Variants in ADGRB3 observed in about 807,000 individuals in gnomAD.
The protein encoded by ADGRB3 is brain-specific angiogenesis inhibitor 3.
In ADGRB3, 37 loss-of-function variants were observed where a neutral mutation model predicts 193.4. The observed-to-expected ratio is 0.19, with a 90% CI of 0.15 to 0.25. ADGRB3 has a LOEUF of 0.25. Among genes scored for constraint, ADGRB3 ranks in the 10% least tolerant of loss-of-function variants. ADGRB3 has a pLI of 1.00. For missense variants in ADGRB3, 1,637 were observed against 1,852.9 expected (o/e 0.88, Z 2.14); for synonymous variants, 690 against 644.2 (o/e 1.07, Z -1.08).
intron 3 of ADGRB3, among the ~76,000 whole-genome samples, chr6:68,687,596 C>T (rs1561994717): frequency 6.6e-6 from 1 of 152,056 alleles, no homozygotes; most frequent in Non-Finnish European, 1.5e-5. Context: ...GTTTCTATTG[C>T]CTTACATGAA....
At chr6:69,084,468 C>A (rs1238938554) in intron 17 of ADGRB3, among the ~76,000 whole-genome samples, 1 of 152,126 alleles carries the variant, frequency 6.6e-6, no homozygotes, top group Non-Finnish European at 1.5e-5. Context: ...ATAGGTATTT[C>A]TAAATCCAAA....
chr6:69,070,615 T>G (rs1475620574), intron 16 of ADGRB3, among the ~76,000 whole-genome samples: 1 of 152,150 alleles, frequency 6.6e-6, no homozygotes, highest in Non-Finnish European at 1.5e-5. Flanking sequence ...TTCTCTAAAT[T>G]TGATGTGAAA....
At chr6:68,861,572 A>G (rs1765157582) in intron 3 of ADGRB3, among the ~76,000 whole-genome samples, 1 of 152,188 alleles carries the variant, frequency 6.6e-6, no homozygotes, top group Admixed American at 6.5e-5. Context: ...CAAAAAAAAA[A>G]TAAATAAATA....
At chr6:69,184,973 A>G (rs964706142) in intron 17 of ADGRB3, among the ~76,000 whole-genome samples, 1 of 152,144 alleles carries the variant, frequency 6.6e-6, no homozygotes, top group Non-Finnish European at 1.5e-5. Flanking sequence ...TAAATTAAGC[A>G]CAAGAGGCCA....
rs572624507 is a variant in ADGRB3 at position 69,004,377 on chromosome 6, C to G, written c.1930-9661C>G. ...CTCTACACACTTGCATCCCTGGTGTCTCTCTGTGTGTTCTAATATCCTCTT... is the reference window on the plus strand; with the variant it reads ...CTCTACACACTTGCATCCCTGGTGTGTCTCTGTGTGTTCTAATATCCTCTT... On this transcript the variant is annotated intron_variant, in intron 11 of 31. Coordinates refer to ENST00000370598, the MANE Select transcript of ADGRB3 (RefSeq NM_001704.3). Among the ~76,000 whole-genome samples, 57 of 151,804 alleles carry G rather than the reference C, an allele frequency of 3.8e-4. 2 individuals carry two copies. Among genetic ancestry groups the G allele is most frequent in the African/African-American group, 1.3e-3 (55 of 41,424 alleles).
intron 17 of ADGRB3, among the ~76,000 whole-genome samples, chr6:69,128,637 T>C (rs1424929152): frequency 6.6e-6 from 1 of 152,148 alleles, no homozygotes; most frequent in African/African-American, 2.4e-5. Flanking sequence ...TTTTTAGTAC[T>C]TTCTCAACGA....
At chr6:68,936,285 T>A (rs1336391776) in intron 4 of ADGRB3, among the ~76,000 whole-genome samples, 1 of 152,196 alleles carries the variant, frequency 6.6e-6, no homozygotes, top group Non-Finnish European at 1.5e-5. Context: ...ACAGTGTAAT[T>A]TGTGAAGAGT....
intron 8 of ADGRB3, among the ~76,000 whole-genome samples, chr6:68,973,413 TG>T (rs2150264748): frequency 6.6e-6 from 1 of 152,362 alleles, no homozygotes; most frequent in East Asian, 1.9e-4. Context: ...AGATTTAATT[TG>T]TCAACTTGTA....
At chr6:68,741,199 G>T (rs952940123) in intron 3 of ADGRB3, among the ~76,000 whole-genome samples, 10 of 152,028 alleles carry the variant, frequency 6.6e-5, no homozygotes, top group Non-Finnish European at 1.3e-4. Context: ...GTTTACATTT[G>T]TTAACACATT....
intron 28 of ADGRB3, among the ~76,000 whole-genome samples, chr6:69,358,141 T>C (rs1257727910): frequency 2.0e-5 from 3 of 151,994 alleles, no homozygotes; most frequent in Middle Eastern, 3.2e-3. Flanking sequence ...GACAGGTTTG[T>C]CTTTCCTCTA....
intron 3 of ADGRB3, among the ~76,000 whole-genome samples, chr6:68,788,735 T>A (rs952699139): frequency 2.6e-5 from 4 of 152,110 alleles, no homozygotes; most frequent in Non-Finnish European, 5.9e-5. Context: ...CTTTGATCTG[T>A]CTAACGTTGA....
chr6:69,114,359 G>GT (rs1422457121), intron 17 of ADGRB3, among the ~76,000 whole-genome samples: 1 of 152,056 alleles, frequency 6.6e-6, no homozygotes, highest in African/African-American at 2.4e-5. Flanking sequence ...GGGATTGTTT[G>GT]TTTTTTTCTT....
chr6:68,947,116 G>A (rs1932615), intron 6 of ADGRB3, among the ~76,000 whole-genome samples: 50,339 of 151,904 alleles, frequency 0.33, 9,440 homozygotes, highest in Middle Eastern at 0.53. Flanking sequence ...AATGAAGCAA[G>A]ACAGGCAAGA....
In ADGRB3 at chr6:69,031,064, CTCT is replaced by C. The variant is rs1356572009; in HGVS notation, c.2107+12569_2107+12571del. Among the ~76,000 whole-genome samples the C allele has an allele frequency of 1.8e-3, 87 of 49,358 alleles. 13 individuals carry two copies. The highest frequency in any genetic ancestry group is 5.4e-3 in the African/African-American group (78 of 14,554). The allele number at this position is 49,358 out of a possible 152,430, so 32.4% of individuals were successfully genotyped here. A position where few individuals can be genotyped will look rare whatever the true frequency, so the allele number is the denominator to read the frequency against. On this transcript the variant is annotated intron_variant, in intron 13 of 31. Transcript: ENST00000370598. ...CTCTTCTCTTCTCTTCTCTTCTCTT[CTCT>C]TCTCTTCTCTTCTCTTCTCTTCTCT...
chr6:69,035,823 T>C lies in ADGRB3; in HGVS notation c.2108-12362T>C, dbSNP rs556705700. Among the ~76,000 whole-genome samples the C allele has an allele frequency of 1.8e-3, 279 of 152,286 alleles. 1 individual carries two copies. Among genetic ancestry groups the C allele is most frequent in the African/African-American group, 6.5e-3 (272 of 41,576 alleles). On this transcript the variant is annotated intron_variant, in intron 13 of 31. Coordinates refer to ENST00000370598, the MANE Select transcript of ADGRB3 (RefSeq NM_001704.3). ...ACTGTAAGTACAATGATGAATTGGA[T>C]TCAAGAAGTGAGGACATAGATATGT...
intron 3 of ADGRB3, among the ~76,000 whole-genome samples, chr6:68,786,084 T>G (rs1223204433): frequency 0.014 from 2,066 of 148,472 alleles, 58 homozygotes; most frequent in African/African-American, 0.05. Context: ...TTGCAAAAAT[T>G]TTCTCCGATT....
intron 3 of ADGRB3, among the ~76,000 whole-genome samples, chr6:68,724,120 G>C (rs1050752241): frequency 2.0e-5 from 3 of 151,424 alleles, no homozygotes; most frequent in Non-Finnish European, 4.4e-5. Flanking sequence ...CAACCTCAGT[G>C]GAAAGATTGT....
At chr6:69,267,897 T>C (rs1257325790) in intron 20 of ADGRB3, among the ~76,000 whole-genome samples, 1 of 152,112 alleles carries the variant, frequency 6.6e-6, no homozygotes, top group African/African-American at 2.4e-5. Context: ...GTTTCCAGTT[T>C]CCTGTTTCAA....
chr6:69,284,176 C>T (rs995188522), intron 20 of ADGRB3, among the ~76,000 whole-genome samples: 1 of 152,170 alleles, frequency 6.6e-6, no homozygotes, highest in African/African-American at 2.4e-5. Flanking sequence ...CTTCACCTTG[C>T]CTGGCAGTGC....
Sources: gnomAD v4.1 joint callset for allele counts (sites outside exome capture counted in the v4.1 genomes callset) on GRCh38, gnomAD v4.1.1 for gene constraint, MANE v1.5 for transcripts, NCBI Gene and HGNC (gene_info 2026-07-23, HGNC 2026-07-21) for gene names.